ADGRL2: variants seen among roughly 807,000 people sequenced by gnomAD.
The protein encoded by ADGRL2 is adhesion G protein-coupled receptor L2, also known as calcium-independent alpha-latrotoxin receptor 2.
Under a neutral mutation model 157.4 loss-of-function variants are expected in ADGRL2, and 44 were observed. That is an observed-to-expected ratio of 0.28 (90% CI 0.22 to 0.36). The LOEUF (loss-of-function observed/expected upper bound fraction) is 0.36. Ranked by LOEUF, ADGRL2 falls within the 10% of genes least tolerant of loss-of-function variation. The pLI is 1.00. For missense variants in ADGRL2, 1,510 were observed against 1,768.9 expected (o/e 0.85, Z 2.63); for synonymous variants, 585 against 624.7 (o/e 0.94, Z 0.95).
chr1:81,415,444 C>T (rs556535764), intron 1 of ADGRL2, among the ~76,000 whole-genome samples: 2 of 152,172 alleles, frequency 1.3e-5, no homozygotes, highest in South Asian at 4.2e-4. Context: ...ACAAAAGAAG[C>T]AGGATGTAGA....
chr1:81,765,413 T>C (rs1470396827), intron 2 of ADGRL2, among the ~76,000 whole-genome samples: 1 of 152,070 alleles, frequency 6.6e-6, no homozygotes, highest in East Asian at 1.9e-4. Context: ...AATAAAATAC[T>C]GCTCATTCAA....
At position 81,969,349 on chromosome 1, in the gene ADGRL2, T is replaced by C. The variant is rs756354341; in HGVS notation, c.2695T>C (p.Phe899Leu). Residue 899 changes from phenylalanine to leucine, a missense_variant, in exon 15 of 24, where the codon TTT becomes CTT. This residue lies in a region of ADGRL2 where 497 missense variants were observed against 627.2 expected (regional missense o/e 0.79). Transcript: ENST00000686636. ...TTGTATCAACCTTTTCATTGCTGAA[T>C]TTATTTTCCTAATAGGCATTGATAA... ...NLCINLFIAE[F>L]IFLIGIDKTK... 5 of 1,613,966 alleles carry C rather than the reference T, an allele frequency of 3.1e-6. No individual in the cohort carries two copies. In the Admixed American group the frequency reaches 5.0e-5, roughly 16 times the overall value.
At chr1:81,318,489 G>A (rs148260450) in intron 1 of ADGRL2, among the ~76,000 whole-genome samples, 54 of 152,180 alleles carry the variant, frequency 3.5e-4, no homozygotes, top group African/African-American at 1.3e-3. Flanking sequence ...TCTACTAATA[G>A]CAATCTTACA....
At chr1:81,430,663 G>A (rs1477343639) in intron 1 of ADGRL2, among the ~76,000 whole-genome samples, 1 of 152,136 alleles carries the variant, frequency 6.6e-6, no homozygotes, top group Non-Finnish European at 1.5e-5. Flanking sequence ...AATGATGTAA[G>A]ATTTCAAGTT....
In ADGRL2 at chr1:81,412,056, C is replaced by A. The variant is rs746173049; in HGVS notation, c.-301-32980C>A. On this transcript the variant is annotated intron_variant, in intron 1 of 24. Coordinates refer to the ADGRL2 transcript ENST00000370721. Reference sequence around the variant, plus strand: ...CTTAATATGTATTGAGAAATTATTTCTACCAAATATACATAAGTTTTTCAT... The same window carrying A: ...CTTAATATGTATTGAGAAATTATTTATACCAAATATACATAAGTTTTTCAT... 1.6e-4 allele frequency among the ~76,000 whole-genome samples: 24 copies of A among 152,156 alleles called. 1 individual carries two copies. In the South Asian group the frequency reaches 2.3e-3, roughly 14 times the overall value.
intron 3 of ADGRL2, among the ~76,000 whole-genome samples, chr1:81,930,212 G>A (rs1041320243): frequency 6.6e-6 from 1 of 151,964 alleles, no homozygotes; most frequent in African/African-American, 2.4e-5. Context: ...TTAAGGAAAG[G>A]GAACATATTA....
At chr1:81,450,941 A>G (rs2077692170) in intron 2 of ADGRL2, among the ~76,000 whole-genome samples, 1 of 152,134 alleles carries the variant, frequency 6.6e-6, no homozygotes, top group Non-Finnish European at 1.5e-5. Context: ...TTATTTCTCA[A>G]TGGAGCTTCT....
intron 1 of ADGRL2, among the ~76,000 whole-genome samples, chr1:81,413,450 TAA>T (rs907038638): frequency 6.7e-6 from 1 of 149,556 alleles, no homozygotes; most frequent in African/African-American, 2.5e-5. Flanking sequence ...TAATTTCACT[TAA>T]AAAAAAAAGA....
intron 2 of ADGRL2, among the ~76,000 whole-genome samples, chr1:81,482,696 C>T (rs978939859): frequency 7.2e-5 from 11 of 151,950 alleles, no homozygotes; most frequent in African/African-American, 2.7e-4. Flanking sequence ...TTTGTAAACA[C>T]AGGAGATATT....
At chr1:81,400,309 G>A (rs1424350493) in intron 1 of ADGRL2, among the ~76,000 whole-genome samples, 1 of 152,090 alleles carries the variant, frequency 6.6e-6, no homozygotes. Context: ...CTCAGAGTCT[G>A]TGAACCTATG....
At chr1:81,626,641 C>T (rs1381843498) in intron 3 of ADGRL2, among the ~76,000 whole-genome samples, 1 of 152,148 alleles carries the variant, frequency 6.6e-6, no homozygotes, top group Non-Finnish European at 1.5e-5. Flanking sequence ...CATGTAAAAA[C>T]ACACGCGGGC....
intron 2 of ADGRL2, among the ~76,000 whole-genome samples, chr1:81,767,630 G>T (rs1345898517): frequency 1.3e-5 from 2 of 152,034 alleles, no homozygotes; most frequent in African/African-American, 4.8e-5. Context: ...TTAGCACTTT[G>T]GGAGGTCGAG....
Position 81,741,210 on chromosome 1 carries a change from A to AAAAAC in ADGRL2, c.-142-20584_-142-20580dup, listed in dbSNP as rs780069476. Among the ~76,000 whole-genome samples the AAAAAC allele has an allele frequency of 9.9e-5, 15 of 152,140 alleles. No homozygotes were observed. The Middle Eastern group carries it at 0.014, about 138-fold the overall frequency. On this transcript the variant is annotated intron_variant, in intron 1 of 20. Transcript: ENST00000359929. ...AGGCCAAAATAGATATAGGAAATGGAAAAACAAAACAAAACAAAACATGGT... is the reference window on the plus strand; with the variant it reads ...AGGCCAAAATAGATATAGGAAATGGAAAAACAAAACAAAACAAAACAAAACATGGT...
At chr1:81,725,712 A>AT (rs1012284718) in intron 1 of ADGRL2, among the ~76,000 whole-genome samples, 46 of 152,326 alleles carry the variant, frequency 3.0e-4, no homozygotes, top group South Asian at 6.2e-4. Context: ...AATATTGCAA[A>AT]TATCACCATA....
At chr1:81,501,986 T>C in intron 2 of ADGRL2, 4 of 1,612,052 alleles carry the variant, frequency 2.5e-6, no homozygotes, top group Non-Finnish European at 3.4e-6. Context: ...CTTAGGTCCC[T>C]TAGCCAGAGT....
intron 2 of ADGRL2, among the ~76,000 whole-genome samples, chr1:81,471,655 C>A (rs756103811): frequency 6.6e-6 from 1 of 152,116 alleles, no homozygotes; most frequent in Admixed American, 6.5e-5. Context: ...CAGTTTTAAG[C>A]CTGAATCGAA....
chr1:81,472,205 A>G (rs981878032), intron 2 of ADGRL2, among the ~76,000 whole-genome samples: 4 of 152,384 alleles, frequency 2.6e-5, no homozygotes, highest in African/African-American at 9.6e-5. Context: ...TTACTTTACT[A>G]GATGATTTTT....
At chr1:81,524,245 A>G (rs2079398076) in intron 2 of ADGRL2, among the ~76,000 whole-genome samples, 1 of 152,070 alleles carries the variant, frequency 6.6e-6, no homozygotes, top group African/African-American at 2.4e-5. Flanking sequence ...GGGCGCCTGT[A>G]GTCCCAGCTA....
chr1:81,467,669 G>T (rs1397217134), intron 2 of ADGRL2, among the ~76,000 whole-genome samples: 1 of 152,072 alleles, frequency 6.6e-6, no homozygotes, highest in Admixed American at 6.6e-5. Context: ...TTTTTTCAGT[G>T]ACTGGTACTT....
Sources: allele counts gnomAD v4.1 joint callset (sites outside exome capture counted in the v4.1 genomes callset), GRCh38; gene constraint gnomAD v4.1.1; regional missense constraint gnomAD v4.1.1; transcripts MANE v1.5; gene names NCBI Gene and HGNC (gene_info 2026-07-23, HGNC 2026-07-21).